Variants in MAN2A1 observed in about 807,000 individuals in gnomAD.
The protein encoded by MAN2A1 is alpha-mannosidase 2.
In MAN2A1, 76 loss-of-function variants were observed where a neutral mutation model predicts 142.6. That is an observed-to-expected ratio of 0.53 (90% CI 0.44 to 0.65). The LOEUF is 0.65. MAN2A1 is among the 30% of genes least tolerant of loss of function. The pLI is 0.00. For missense variants in MAN2A1, 1,311 were observed against 1,365.1 expected (o/e 0.96, Z 0.62); for synonymous variants, 559 against 473.2 (o/e 1.18, Z -2.35).
At chr5:109,756,261 G>A (rs1440990467) in intron 5 of MAN2A1, among the ~76,000 whole-genome samples, 3 of 152,094 alleles carry the variant, frequency 2.0e-5, no homozygotes, top group Non-Finnish European at 4.4e-5. Context: ...AAAGATGCTA[G>A]ACTGATAGAA....
intron 19 of MAN2A1, chr5:109,853,475 G>A (rs1009024952): frequency 2.0e-5 from 3 of 152,294 alleles, no homozygotes; most frequent in East Asian, 1.9e-4. Flanking sequence ...ATATATGCAC[G>A]TTATTGCTTC....
chr5:109,707,367 C>T (rs1292736815), intron 1 of MAN2A1, among the ~76,000 whole-genome samples: 3 of 152,102 alleles, frequency 2.0e-5, no homozygotes, highest in African/African-American at 7.2e-5. Context: ...AAAAATGTTA[C>T]ATGCCATTTT....
At chr5:109,848,421 C>G (rs967007111) in intron 19 of MAN2A1, among the ~76,000 whole-genome samples, 1 of 152,126 alleles carries the variant, frequency 6.6e-6, no homozygotes, top group African/African-American at 2.4e-5. Flanking sequence ...TGGGCTTTTT[C>G]TTTTTGCTCT....
At chr5:109,862,856 T>C (rs940439039) in intron 20 of MAN2A1, 1 of 152,202 alleles carries the variant, frequency 6.6e-6, no homozygotes, top group South Asian at 2.1e-4. Flanking sequence ...ACAAAAGTGA[T>C]GTAATTTTAG....
Position 109,699,378 on chromosome 5 carries a change from G to A in MAN2A1, c.135+8826G>A, listed in dbSNP as rs1450965521. The A allele has an allele frequency of 3.9e-5, 6 of 152,058 alleles. No homozygotes were observed. The East Asian group carries it at 9.6e-4, about 24-fold the overall frequency. The allele number at this position is 152,058 out of a possible 1,614,324, so 9.4% of individuals were successfully genotyped here. A position where few individuals can be genotyped will look rare whatever the true frequency, so the allele number is the denominator to read the frequency against. On this transcript the variant is annotated intron_variant, in intron 1 of 21. Coordinates refer to ENST00000261483, the MANE Select transcript of MAN2A1 (RefSeq NM_002372.4). ...CAAGGATACGGAATTTTAGGTAGGA[G>A]GAATAAGTTCAAGAGATCTATTGTA...
chr5:109,789,500 A>G lies in MAN2A1; in HGVS notation c.1916A>G (p.Asn639Ser). The G allele has an allele frequency of 6.3e-7, 1 of 1,590,038 alleles. No individual in the cohort carries two copies. The highest frequency in any genetic ancestry group is 1.1e-5 in the South Asian group (1 of 87,592). The stretch of plus-strand genomic sequence containing the variant: ...TCACAAGATTCTCTGCCACAAAAAA[A>G]TATAATAAGGCTGAGTGCGGAGCCA... ...QKSQDSLPQKNIIRLSAEPRY... is the reference protein window; with the variant it reads ...QKSQDSLPQKSIIRLSAEPRY... Residue 639 changes from asparagine (N) to serine (S), a missense_variant, in exon 12 of 22, where the codon AAT (asparagine) becomes AGT (serine). Physicochemically the swap from Asn to Ser is conservative, Grantham distance 46. Transcript: ENST00000261483.
chr5:109,755,167 C>T (rs1437880080), intron 4 of MAN2A1, among the ~76,000 whole-genome samples, 162 bp from the exon 5 acceptor site: 1 of 152,138 alleles, frequency 6.6e-6, no homozygotes, highest in Non-Finnish European at 1.5e-5. Flanking sequence ...ATCATGAGGT[C>T]TTGAAGTTGA....
chr5:109,818,371 C>T (rs538751626), intron 13 of MAN2A1, among the ~76,000 whole-genome samples: 31 of 152,118 alleles, frequency 2.0e-4, no homozygotes, highest in African/African-American at 7.2e-4. Context: ...CTCCTGACCC[C>T]GTGATCCACC....
chr5:109,849,053 A>G (rs1359489347), intron 19 of MAN2A1, among the ~76,000 whole-genome samples: 1 of 152,160 alleles, frequency 6.6e-6, no homozygotes, highest in Non-Finnish European at 1.5e-5. Context: ...GTCACTCTCT[A>G]AAATACTGCC....
At chr5:109,815,485 A>G (rs17162298) in intron 12 of MAN2A1, among the ~76,000 whole-genome samples, 26,492 of 152,176 alleles carry the variant, frequency 0.17, 3,251 homozygotes, top group East Asian at 0.64. Flanking sequence ...AATACAAGTT[A>G]GGTCCTGTTA....
At chr5:109,796,901 A>G (rs11746945) in intron 12 of MAN2A1, among the ~76,000 whole-genome samples, 12,815 of 152,088 alleles carry the variant, frequency 0.084, 631 homozygotes, top group African/African-American at 0.15. Flanking sequence ...TTTATTCCTT[A>G]TTGTGTGTCT....
At chr5:109,691,864 G>T (rs543350276) in intron 1 of MAN2A1, among the ~76,000 whole-genome samples, 1 of 152,294 alleles carries the variant, frequency 6.6e-6, no homozygotes, top group African/African-American at 2.4e-5. Flanking sequence ...AGCTTGTCCA[G>T]TGCTTCTTGA....
intron 19 of MAN2A1, chr5:109,854,849 A>G (rs1042758038): frequency 1.7e-5 from 4 of 228,648 alleles, no homozygotes; most frequent in Non-Finnish European, 2.5e-5. Context: ...TTTCATAAAA[A>G]GGTATGCCTT....
At chr5:109,698,301 A>G (rs552827076) in intron 1 of MAN2A1, among the ~76,000 whole-genome samples, 7 of 152,336 alleles carry the variant, frequency 4.6e-5, no homozygotes, top group Admixed American at 1.3e-4. Flanking sequence ...CAGCAGAGGT[A>G]CTGGCCTGCT....
chr5:109,714,108 T>C (rs1751386000), intron 2 of MAN2A1, among the ~76,000 whole-genome samples: 1 of 152,018 alleles, frequency 6.6e-6, no homozygotes, highest in South Asian at 2.1e-4. Context: ...CTTTGGAGAA[T>C]ACAAGAAAAT....
chr5:109,802,371 T>G (rs1316405826), intron 12 of MAN2A1, among the ~76,000 whole-genome samples: 1 of 152,156 alleles, frequency 6.6e-6, no homozygotes, highest in Non-Finnish European at 1.5e-5. Context: ...CTATAAAGCT[T>G]CATGTCAGTT....
chr5:109,804,958 G>A (rs1754127343), intron 12 of MAN2A1, among the ~76,000 whole-genome samples: 1 of 152,070 alleles, frequency 6.6e-6, no homozygotes, highest in Admixed American at 6.6e-5. Context: ...TATATTCATT[G>A]GAGAAATGAA....
intron 10 of MAN2A1, among the ~76,000 whole-genome samples, chr5:109,786,190 T>C (rs911853617): frequency 6.6e-6 from 1 of 152,076 alleles, no homozygotes; most frequent in African/African-American, 2.4e-5. Context: ...CCTCATTAGA[T>C]GATAAAGATG....
chr5:109,861,299 G>A (rs530893252), intron 20 of MAN2A1, among the ~76,000 whole-genome samples: 1 of 152,338 alleles, frequency 6.6e-6, no homozygotes, highest in Non-Finnish European at 1.5e-5. Flanking sequence ...GTTCTCACCT[G>A]TGATAGTTCA....
Sources: allele counts gnomAD v4.1 joint callset (sites outside exome capture counted in the v4.1 genomes callset), GRCh38; gene constraint gnomAD v4.1.1; transcripts MANE v1.5; gene names NCBI Gene and HGNC (gene_info 2026-07-23, HGNC 2026-07-21).